TSGA10: variants seen among roughly 807,000 people sequenced by gnomAD.
TSGA10 encodes the protein testis specific 10, also known as testis-specific gene 10 protein.
TSGA10 carries 43 observed loss-of-function variants against 96.6 expected under a neutral mutation model. The ratio of observed to expected loss-of-function variants is 0.44; its 90% confidence interval spans 0.35 to 0.57. The LOEUF (loss-of-function observed/expected upper bound fraction) is 0.57, where lower values mean the gene tolerates loss of function less well. Ranked by LOEUF, TSGA10 falls within the 20% of genes least tolerant of loss-of-function variation. TSGA10 has a pLI of 0.01. For missense variants in TSGA10, 703 were observed against 834.4 expected, an observed-to-expected ratio of 0.84 and a Z score of 1.94; for synonymous variants, 229 against 269.9, an observed-to-expected ratio of 0.85 and a Z score of 1.48.
chr2:99,045,653 T>G (rs1002360131), intron 16 of TSGA10, among the ~76,000 whole-genome samples: 27 of 152,258 alleles, frequency 1.8e-4, no homozygotes, highest in Middle Eastern at 3.4e-3. Context: ...AGACCATTGA[T>G]GCTAGGAAGA....
intron 1 of TSGA10, among the ~76,000 whole-genome samples, chr2:99,140,456 TC>T (rs2093490240): frequency 2.6e-5 from 4 of 151,164 alleles, no homozygotes; most frequent in Admixed American, 2.6e-4. Context: ...GACACTATAA[TC>T]TATGCAAACT....
At chr2:99,070,466 TA>T (rs900498213) in intron 14 of TSGA10, among the ~76,000 whole-genome samples, 6 of 152,244 alleles carry the variant, frequency 3.9e-5, no homozygotes, top group African/African-American at 1.4e-4. Context: ...AAAATAGTGT[TA>T]AAATTTTTAA....
intron 1 of TSGA10, chr2:99,141,021 T>C: frequency 8.5e-7 from 1 of 1,177,738 alleles, no homozygotes; most frequent in Non-Finnish European, 1.1e-6. Flanking sequence ...AGCCGCCTTC[T>C]CAGAGACCTT....
intron 9 of TSGA10, 80 bp from the exon 10 acceptor site, chr2:99,104,198 A>C (rs891390723): frequency 3.3e-6 from 5 of 1,510,910 alleles, no homozygotes; most frequent in Non-Finnish European, 4.5e-6. Flanking sequence ...CTCCCTCTGT[A>C]CAAACTGGTT....
chr2:99,120,599 A>AT, intron 2 of TSGA10, among the ~76,000 whole-genome samples: 1 of 152,288 alleles, frequency 6.6e-6, no homozygotes, highest in East Asian at 1.9e-4. Flanking sequence ...TTTGTTAAAA[A>AT]TTTTTATTTT....
intron 7 of TSGA10, among the ~76,000 whole-genome samples, chr2:99,107,169 C>G (rs1469292633): frequency 6.6e-6 from 1 of 152,142 alleles, no homozygotes; most frequent in East Asian, 1.9e-4. Flanking sequence ...CCTCCTTCTT[C>G]CTAAAAGCAA....
At chr2:99,028,144 CTGTTAAG>C (rs1329663039) in intron 17 of TSGA10, among the ~76,000 whole-genome samples, 6 of 152,160 alleles carry the variant, frequency 3.9e-5, no homozygotes, top group Non-Finnish European at 7.3e-5. Flanking sequence ...TCTGATCTCC[CTGTTAAG>C]TGTCTGGCTG....
intron 1 of TSGA10, chr2:99,150,608 T>C (rs200922353): frequency 5.0e-6 from 8 of 1,613,976 alleles, no homozygotes; most frequent in South Asian, 3.3e-5. Flanking sequence ...GCTATACATA[T>C]GGATTCAAAA....
intron 4 of TSGA10, among the ~76,000 whole-genome samples, chr2:99,111,365 A>G (rs2091794194): frequency 1.3e-5 from 2 of 152,188 alleles, no homozygotes. Flanking sequence ...GACAGTGAAC[A>G]TACCCAGTCT....
chr2:99,098,308 G>A (rs903958919), intron 10 of TSGA10, among the ~76,000 whole-genome samples: 6 of 151,082 alleles, frequency 4.0e-5, no homozygotes, highest in East Asian at 3.9e-4. Flanking sequence ...GCGTGGTGGC[G>A]GGCACCTGTA....
chr2:99,149,159 A>T (rs2093662347), intron 1 of TSGA10, among the ~76,000 whole-genome samples: 1 of 134,572 alleles, frequency 7.4e-6, no homozygotes, highest in Non-Finnish European at 1.6e-5. Flanking sequence ...GAAAGGGTGA[A>T]ACTCCATCTC....
intron 20 of TSGA10, among the ~76,000 whole-genome samples, chr2:99,008,766 C>A (rs2078724841): frequency 6.6e-6 from 1 of 152,066 alleles, no homozygotes; most frequent in Admixed American, 6.6e-5. Flanking sequence ...TTGGAAACTA[C>A]CTAAATGTCC....
chr2:99,014,560 C>T (rs1047275345), intron 20 of TSGA10, among the ~76,000 whole-genome samples: 3 of 152,104 alleles, frequency 2.0e-5, no homozygotes, highest in African/African-American at 7.2e-5. Context: ...CAAATAGACA[C>T]TCTAAGGTCA....
At chr2:99,149,099 G>A (rs1419218155) in intron 1 of TSGA10, among the ~76,000 whole-genome samples, 5 of 151,578 alleles carry the variant, frequency 3.3e-5, no homozygotes, top group South Asian at 2.1e-4. Context: ...TTAACCTGCC[G>A]GGTGGAGGTC....
At chr2:99,095,391 T>C (rs977689882) in intron 10 of TSGA10, among the ~76,000 whole-genome samples, 32 of 151,980 alleles carry the variant, frequency 2.1e-4, no homozygotes, top group Non-Finnish European at 4.4e-4. Flanking sequence ...CAAAAACCTA[T>C]GGAAATTAAA....
intron 16 of TSGA10, among the ~76,000 whole-genome samples, chr2:99,053,563 C>T (rs886417624): frequency 2.0e-5 from 3 of 152,214 alleles, no homozygotes; most frequent in African/African-American, 7.2e-5. Flanking sequence ...CTTCAACGTC[C>T]TTTCATAATA....
intron 4 of TSGA10, 85 bp downstream of exon 4, chr2:99,117,459 G>T: frequency 1.8e-6 from 1 of 569,768 alleles, no homozygotes; most frequent in Non-Finnish European, 2.2e-6. Flanking sequence ...TTATACAAAT[G>T]AGAATGCTAC....
chr2:99,151,000 T>A (rs2093688382), intron 1 of TSGA10: 2 of 499,030 alleles, frequency 4.0e-6, no homozygotes, highest in Non-Finnish European at 7.2e-6. Context: ...TTATGATGCT[T>A]ATTCAAAAGG....
At position 99,104,056 on chromosome 2, in the gene TSGA10, A is replaced by G; in HGVS notation, c.522T>C (p.Thr174=). Residue 174 remains threonine (T), a synonymous_variant, in exon 10 of 21, where the codon ACT becomes ACC. Transcript: ENST00000393483. ...CTAGTGATTTCATTTCTTTTTCCAC[A>G]GTGCTTATGGTTTCCTTCATCAAAG... is the stretch of plus-strand genomic sequence containing the variant. ...NMTLMKETIS[T]VEKEMKSLAR... The G allele has an allele frequency of 6.2e-7, 1 of 1,614,034 alleles. No individual in the cohort carries two copies. The highest frequency in any genetic ancestry group is 2.2e-5 in the East Asian group (1 of 44,854).
Sources: allele counts gnomAD v4.1 joint callset (sites outside exome capture counted in the v4.1 genomes callset), GRCh38; gene constraint gnomAD v4.1.1; transcripts MANE v1.5; gene names NCBI Gene and HGNC (gene_info 2026-07-23, HGNC 2026-07-21).